Variants in PCDH15 observed in about 807,000 individuals in gnomAD.
PCDH15 encodes protocadherin related 15, also known as protocadherin-15.
Under a neutral mutation model 178.5 loss-of-function variants are expected in PCDH15, and 129 were observed. The observed-to-expected ratio is 0.72, with a 90% CI of 0.63 to 0.84. PCDH15 has a LOEUF of 0.84. Among genes scored for constraint, PCDH15 ranks in the 40% least tolerant of loss-of-function variants. The pLI, the probability that PCDH15 is intolerant of heterozygous loss-of-function variation, is 0.00. For synonymous variants in PCDH15, 800 were observed against 732.0 expected (o/e 1.09, Z -1.50); for missense variants, 2,230 against 2,099.9 (o/e 1.06, Z -1.21).
At chr10:54,736,739 G>A (rs1172135923) in intron 1 of PCDH15, among the ~76,000 whole-genome samples, 1 of 151,892 alleles carries the variant, frequency 6.6e-6, no homozygotes, top group African/African-American at 2.4e-5. Flanking sequence ...CAGCATTTTT[G>A]AGAAAGAACT....
rs189809391 is a variant in PCDH15 at position 54,989,132 on chromosome 10, G to A, written c.-79-91632C>T. ...CCTGTGGTGTTGTGCCTTCAAGTGCGTAGAATTGGGATTTGGGAACCTCTG... is the reference window on the plus strand; with the variant it reads ...CCTGTGGTGTTGTGCCTTCAAGTGCATAGAATTGGGATTTGGGAACCTCTG... On this transcript the variant is annotated intron_variant, in intron 2 of 5. Transcript: ENST00000458638. Among the ~76,000 whole-genome samples the A allele has an allele frequency of 1.1e-3, 172 of 152,234 alleles. 3 individuals carry two copies. Among genetic ancestry groups the A allele is most frequent in the South Asian group, 7.3e-3 (35 of 4,824 alleles).
intron 2 of PCDH15, among the ~76,000 whole-genome samples, chr10:55,389,793 G>C (rs145147182): frequency 1.3e-5 from 2 of 152,022 alleles, no homozygotes; most frequent in African/African-American, 4.8e-5. Context: ...TATCTTTGAA[G>C]CTCTAGGAGA....
chr10:54,853,316 T>TACACATATAC (rs1231984925), intron 3 of PCDH15, among the ~76,000 whole-genome samples: 2,536 of 115,096 alleles, frequency 0.022, 36 homozygotes, highest in South Asian at 0.033. Flanking sequence ...TATATATATA[T>TACACATATAC]ATACATACAC....
At chr10:55,049,788 G>T (rs1841111507) in intron 2 of PCDH15, among the ~76,000 whole-genome samples, 1 of 151,862 alleles carries the variant, frequency 6.6e-6, no homozygotes, top group African/African-American at 2.4e-5. Context: ...AAATATTAAT[G>T]ACATTCTTGT....
chr10:55,191,253 A>G (rs1839938143), intron 1 of PCDH15, among the ~76,000 whole-genome samples: 1 of 151,638 alleles, frequency 6.6e-6, no homozygotes, highest in South Asian at 2.1e-4. Flanking sequence ...AAGTAAAAGC[A>G]CTCAGCATGA....
At chr10:55,258,758 C>CT (rs11398382) in intron 1 of PCDH15, among the ~76,000 whole-genome samples, 89,701 of 108,146 alleles carry the variant, frequency 0.83, 37,497 homozygotes, top group East Asian at 0.94. Context: ...TGTTTGTCTG[C>CT]TTTTTTTTTT....
intron 8 of PCDH15, among the ~76,000 whole-genome samples, chr10:54,266,491 T>A (rs1373848200): frequency 6.6e-6 from 1 of 151,212 alleles, no homozygotes; most frequent in Non-Finnish European, 1.5e-5. Flanking sequence ...GATTCAAAAA[T>A]CCATACAAAG....
chr10:54,144,286 C>A (rs961521988), intron 14 of PCDH15, among the ~76,000 whole-genome samples: 18 of 152,026 alleles, frequency 1.2e-4, no homozygotes, highest in African/African-American at 4.1e-4. Flanking sequence ...TGAAACCGAC[C>A]AAACAGTCCC....
chr10:54,517,903 A>T (rs1470968186), intron 3 of PCDH15, among the ~76,000 whole-genome samples: 3 of 152,220 alleles, frequency 2.0e-5, no homozygotes, highest in African/African-American at 7.2e-5. Context: ...CAAGATTAAG[A>T]AACTCACTCA....
rs752207030 is a variant in PCDH15, at chr10:54,329,632, T to G, written c.669A>C (p.Glu223Asp). 3 of 1,607,882 alleles carry G rather than the reference T, an allele frequency of 1.9e-6. No individual in the cohort carries two copies. In the South Asian group the frequency reaches 3.3e-5, roughly 18 times the overall value. ...NIVLRKRLNY[E>D]DKTRYFVIIQ... ...TTATGACAAAGTAGCGAGTCTTATC[T>G]TCATAGTTGAGCCTCTTCCTTAACA... Residue 223 changes from glutamate (E) to aspartate (D), a missense_variant, in exon 7 of 38, where the codon GAA (glutamate) becomes GAC (aspartate). Physicochemically the swap from Glu to Asp is conservative, Grantham distance 45. Coordinates refer to ENST00000644397, the MANE Select transcript of PCDH15 (RefSeq NM_001384140.1).
chr10:55,106,420 T>A (rs1842675629), intron 2 of PCDH15, among the ~76,000 whole-genome samples: 1 of 152,182 alleles, frequency 6.6e-6, no homozygotes, highest in Admixed American at 6.5e-5. Context: ...ACAATTATTA[T>A]TACTATTTTT....
Position 54,151,841 on chromosome 10 carries a change from CAGA to C in PCDH15, c.1784+1256_1784+1258del, listed in dbSNP as rs560844969. Among the ~76,000 whole-genome samples the C allele has an allele frequency of 2.7e-3, 415 of 152,078 alleles. 2 individuals are homozygous for C. The highest frequency in any genetic ancestry group is 8.7e-3 in the African/African-American group (360 of 41,522). On this transcript the variant is annotated intron_variant, in intron 14 of 37. Transcript: ENST00000644397. ...ATTTAAAGTCAAAGAGAAAACTTAA[CAGA>C]AGGAGAGGGAACATTTTGGAGGGAA... is the stretch of plus-strand genomic sequence containing the variant.
At chr10:54,488,521 A>C (rs2079303538) in intron 3 of PCDH15, among the ~76,000 whole-genome samples, 1 of 151,964 alleles carries the variant, frequency 6.6e-6, no homozygotes, top group South Asian at 2.1e-4. Context: ...GTAGTGTTAG[A>C]CAAATCTAAA....
chr10:55,589,960 G>C (rs11004925), intron 2 of PCDH15, among the ~76,000 whole-genome samples: 1 of 137,980 alleles, frequency 7.2e-6, no homozygotes, highest in African/African-American at 2.6e-5. Context: ...ATCCCATTAC[G>C]GGGTATATAC....
chr10:53,976,893 G>T, intron 21 of PCDH15, among the ~76,000 whole-genome samples: 2 of 150,438 alleles, frequency 1.3e-5, no homozygotes, highest in Admixed American at 6.7e-5. Flanking sequence ...CCAACCATCG[G>T]GCCTCCCAGA....
At chr10:53,866,922 C>G in intron 26 of PCDH15, 65 bp from the exon 27 acceptor site, 1 of 1,159,386 alleles carries the variant, frequency 8.6e-7, no homozygotes, top group South Asian at 1.2e-5. Flanking sequence ...TATGAAATGG[C>G]TTACTTTTGT....
chr10:54,055,783 T>C lies in PCDH15; in HGVS notation c.2220+10974A>G, dbSNP rs764086586. On this transcript the variant is annotated intron_variant, in intron 18 of 37. Transcript: ENST00000644397. ...CTTTTTCTTTTATGCTGAATTATGT[T>C]AATAAGTACAAAGAAGTTTTTCTCA... Among the ~76,000 whole-genome samples the C allele has an allele frequency of 3.9e-4, 59 of 152,058 alleles. 1 individual carries two copies. The highest frequency in any genetic ancestry group is 1.2e-3 in the Admixed American group (18 of 15,274).
At chr10:54,794,960 T>G (rs1951811346) in intron 1 of PCDH15, among the ~76,000 whole-genome samples, 1 of 151,876 alleles carries the variant, frequency 6.6e-6, no homozygotes, top group African/African-American at 2.4e-5. Flanking sequence ...AAATCAAAAT[T>G]TGAGTACTTT....
intron 3 of PCDH15, among the ~76,000 whole-genome samples, chr10:54,437,840 A>G (rs2075524448): frequency 6.6e-6 from 1 of 152,106 alleles, no homozygotes; most frequent in Non-Finnish European, 1.5e-5. Context: ...TATCAGTCAA[A>G]TTTATTGGTT....
Sources: gnomAD v4.1 joint callset for allele counts (sites outside exome capture counted in the v4.1 genomes callset) on GRCh38, gnomAD v4.1.1 for gene constraint, MANE v1.5 for transcripts, NCBI Gene and HGNC (gene_info 2026-07-23, HGNC 2026-07-21) for gene names.